IGF2BP3: variants seen among roughly 807,000 people sequenced by gnomAD.
IGF2BP3 encodes the protein insulin-like growth factor 2 mRNA-binding protein 3.
In IGF2BP3, 9 loss-of-function variants were observed where a neutral mutation model predicts 73.8. That is an observed-to-expected ratio of 0.12 (90% CI 0.07 to 0.21). The LOEUF (loss-of-function observed/expected upper bound fraction) is 0.21, where lower values mean the gene tolerates loss of function less well. IGF2BP3 is among the 10% of genes least tolerant of loss of function. The probability of loss-of-function intolerance (pLI) is 1.00; values close to 1 mark genes in which losing one functional copy is unlikely to be tolerated. For synonymous variants in IGF2BP3, 258 were observed against 256.7 expected, an observed-to-expected ratio of 1.01 and a Z score of -0.05; for missense variants, 542 against 714.0, an observed-to-expected ratio of 0.76 and a Z score of 2.75.
intron 2 of IGF2BP3, among the ~76,000 whole-genome samples, chr7:23,437,100 T>C (rs1408267716): frequency 1.3e-5 from 2 of 151,580 alleles, no homozygotes; most frequent in Non-Finnish European, 2.9e-5. Flanking sequence ...GCCTGGGCGA[T>C]AGAGTCAGAC....
intron 2 of IGF2BP3, among the ~76,000 whole-genome samples, chr7:23,466,750 C>A (rs1208409319): frequency 2.0e-5 from 3 of 152,072 alleles, no homozygotes; most frequent in Non-Finnish European, 4.4e-5. Context: ...GGAGAAATTC[C>A]CATCGGTTAG....
Position 23,313,617 on chromosome 7 carries a change from TTTC to T in IGF2BP3, c.1429_1431del (p.Glu477del). 1.9e-6 allele frequency: 3 copies of T among 1,613,980 alleles called. No homozygotes were observed. Among genetic ancestry groups the T allele is most frequent in the Admixed American group, 1.7e-5 (1 of 60,024 alleles). The stretch of plus-strand genomic sequence containing the variant: ...ACCTCTTCTTTAGGACTAACAAAGT[TTTC>T]TTCTTTAATTTTTCCATAAATTCTT... On this transcript the variant is annotated inframe_deletion, in exon 13 of 15. Coordinates refer to ENST00000258729, the MANE Select transcript of IGF2BP3 (RefSeq NM_006547.3).
intron 12 of IGF2BP3, among the ~76,000 whole-genome samples, chr7:23,317,209 G>A (rs1032081037): frequency 1.3e-5 from 2 of 152,208 alleles, no homozygotes. Flanking sequence ...CCAGGGATTA[G>A]AGAGATTTGT....
intron 3 of IGF2BP3, among the ~76,000 whole-genome samples, chr7:23,394,184 C>T (rs904118969): frequency 2.0e-5 from 3 of 152,266 alleles, no homozygotes; most frequent in Middle Eastern, 3.4e-3. Flanking sequence ...AAAATGATAA[C>T]GCTATTTATA....
rs143591428 is a variant in IGF2BP3 at position 23,319,565 on chromosome 7, T to C, written c.1204-311A>G. Among the ~76,000 whole-genome samples the C allele has an allele frequency of 5.6e-3, 852 of 151,334 alleles. 3 individuals are homozygous for C. Among genetic ancestry groups the C allele is most frequent in the African/African-American group, 0.02 (822 of 41,514 alleles). On this transcript the variant is annotated intron_variant, in intron 10 of 14. Coordinates refer to ENST00000258729, the MANE Select transcript of IGF2BP3 (RefSeq NM_006547.3). ...TTAATCATATTAGAATAGCGGGACA[T>C]GCTTGCATTAAAAATTAAGTAAGAG...
chr7:23,439,826 C>A (rs541159091), intron 2 of IGF2BP3, among the ~76,000 whole-genome samples: 1 of 152,220 alleles, frequency 6.6e-6, no homozygotes, highest in Non-Finnish European at 1.5e-5. Context: ...AAGATAGAAA[C>A]AAATGGCTCT....
chr7:23,418,194 G>A (rs1253918291), intron 3 of IGF2BP3, among the ~76,000 whole-genome samples: 1 of 152,102 alleles, frequency 6.6e-6, no homozygotes, highest in Non-Finnish European at 1.5e-5. Context: ...AGAACTTTCA[G>A]GTTCCATTGT....
In IGF2BP3 at chr7:23,311,918, C is replaced by T. The variant is rs1783841053; in HGVS notation, c.*444G>A. 1 of 156,896 alleles carries T rather than the reference C, an allele frequency of 6.4e-6. No individual in the cohort carries two copies. The highest frequency in any genetic ancestry group is 1.4e-5 in the Non-Finnish European group (1 of 71,022). The allele number at this position is 156,896 out of a possible 1,614,324, so 9.7% of individuals were successfully genotyped here. On this transcript the variant is annotated 3_prime_UTR_variant, in exon 15 of 15. Transcript: ENST00000258729. Reference sequence around the variant, plus strand: ...GAGAACAGTTTTTCTATGCTAATGGCTTAACATTTAAGTTCCTGTGATAAT... The same window carrying T: ...GAGAACAGTTTTTCTATGCTAATGGTTTAACATTTAAGTTCCTGTGATAAT...
intron 10 of IGF2BP3, among the ~76,000 whole-genome samples, chr7:23,334,083 C>G (rs1343603993): frequency 6.6e-6 from 1 of 152,170 alleles, no homozygotes; most frequent in Non-Finnish European, 1.5e-5. Context: ...CGCCTGTACT[C>G]CCAGCACTTT....
At chr7:23,425,114 GT>G (rs1562745453) in intron 2 of IGF2BP3, among the ~76,000 whole-genome samples, 1 of 152,190 alleles carries the variant, frequency 6.6e-6, no homozygotes, top group Admixed American at 6.5e-5. Flanking sequence ...TCCACTAAGT[GT>G]TTATTTCCAA....
intron 3 of IGF2BP3, among the ~76,000 whole-genome samples, chr7:23,406,810 G>A (rs533221762): frequency 1.1e-4 from 16 of 152,190 alleles, no homozygotes; most frequent in African/African-American, 2.9e-4. Flanking sequence ...TGATTGGTGC[G>A]TTTTTATAGA....
chr7:23,402,644 A>G (rs574137005), intron 3 of IGF2BP3: 4 of 152,350 alleles, frequency 2.6e-5, no homozygotes, highest in South Asian at 2.1e-4. Context: ...AGACAAACTT[A>G]TAAGTGGAGA....
At position 23,469,879 on chromosome 7, in the gene IGF2BP3, T is replaced by G; in HGVS notation, c.175+57A>C. On this transcript the variant is annotated intron_variant, in intron 1 of 14. Coordinates refer to ENST00000258729, the MANE Select transcript of IGF2BP3 (RefSeq NM_006547.3). The surrounding 1 kb of genome is among the most constrained non-coding windows in gnomAD (Gnocchi z 6.1). ...GGCCCGCGGAGCCACCCGGTGGGCC[T>G]GGGCGGGCGGTGCAGGGCTGGGGCG... is the stretch of plus-strand genomic sequence containing the variant. 7.9e-7 allele frequency: 1 copy of G among 1,273,336 alleles called. No individual in the cohort carries two copies. Among genetic ancestry groups the G allele is most frequent in the South Asian group, 2.5e-5 (1 of 40,356 alleles). The allele number at this position is 1,273,336 out of a possible 1,614,324, so 78.9% of individuals were successfully genotyped here.
At chr7:23,467,818 T>A (rs1265512899) in intron 2 of IGF2BP3, 1 of 153,458 alleles carries the variant, frequency 6.5e-6, no homozygotes, top group Non-Finnish European at 1.5e-5. Flanking sequence ...GTACGAATCT[T>A]CCTGTCTTCA....
intron 10 of IGF2BP3, among the ~76,000 whole-genome samples, chr7:23,327,248 A>G (rs1784325248): frequency 6.6e-6 from 1 of 151,464 alleles, no homozygotes; most frequent in East Asian, 1.9e-4. Flanking sequence ...GTATGTATAC[A>G]CACAGCCATA....
chr7:23,341,278 A>G (rs1583908271), intron 10 of IGF2BP3, among the ~76,000 whole-genome samples: 1 of 152,200 alleles, frequency 6.6e-6, no homozygotes, highest in Non-Finnish European at 1.5e-5. Context: ...TACACTCAAC[A>G]TGGAAAACAC....
intron 2 of IGF2BP3, among the ~76,000 whole-genome samples, chr7:23,462,759 T>G (rs1365069020): frequency 4.6e-5 from 7 of 152,224 alleles, no homozygotes; most frequent in Non-Finnish European, 8.8e-5. Context: ...TACTACAAAG[T>G]AGTCCCCTTC....
At chr7:23,459,703 C>T (rs564355071) in intron 2 of IGF2BP3, among the ~76,000 whole-genome samples, 1 of 151,892 alleles carries the variant, frequency 6.6e-6, no homozygotes, top group Admixed American at 6.6e-5. Context: ...TGGTGGTGTG[C>T]GCCTGTAATC....
intron 3 of IGF2BP3, among the ~76,000 whole-genome samples, chr7:23,418,221 C>T (rs550401946): frequency 6.6e-6 from 1 of 152,262 alleles, no homozygotes; most frequent in South Asian, 2.1e-4. Flanking sequence ...AGTCAAAAGA[C>T]ATTTTCTTTT....
Sources: allele counts gnomAD v4.1 joint callset (sites outside exome capture counted in the v4.1 genomes callset), GRCh38; gene constraint gnomAD v4.1.1; non-coding constraint Gnocchi (gnomAD v3.1); transcripts MANE v1.5; gene names NCBI Gene and HGNC (gene_info 2026-07-23, HGNC 2026-07-21).